MYH2: variants seen among roughly 807,000 people sequenced by gnomAD.
MYH2 encodes myosin heavy chain 2.
A neutral mutation model predicts 228.1 loss-of-function variants in MYH2; 139 were observed. That is an observed-to-expected ratio of 0.61 (90% confidence interval 0.53 to 0.70). MYH2 has a LOEUF of 0.70. MYH2 is among the 30% of genes least tolerant of loss of function. The pLI is 0.00. For synonymous variants in MYH2, 796 were observed against 871.1 expected (o/e 0.91, Z 1.52); for missense variants, 1,809 against 2,357.5 (o/e 0.77, Z 4.82).
intron 39 of MYH2, among the ~76,000 whole-genome samples, chr17:10,521,878 A>C (rs552046305): frequency 1.2e-4 from 18 of 152,256 alleles, no homozygotes; most frequent in African/African-American, 4.3e-4. Context: ...CAAAATGGTT[A>C]CTTTTTTCCT....
In MYH2 at chr17:10,524,249, C is replaced by T. The variant is rs12947406; in HGVS notation, c.5175+217G>A. Among the ~76,000 whole-genome samples, 8,701 of 152,066 alleles carry T rather than the reference C, an allele frequency of 0.057. 278 individuals carry two copies. Among genetic ancestry groups the T allele is most frequent in the South Asian group, 0.12 (572 of 4,816 alleles). On this transcript the variant is annotated intron_variant, in intron 35 of 39. Coordinates refer to ENST00000245503, the MANE Select transcript of MYH2 (RefSeq NM_017534.6). This position sits in a 1 kb window ranked among gnomAD's most constrained non-coding sequence, Gnocchi z 4.7. ...ATAAAGATATTAACACAATAGAATA[C>T]GGGGGCAGCCTTAGAATATTATATG...
In MYH2 at chr17:10,529,931, C is replaced by T; in HGVS notation, c.2841G>A (p.Arg947=). 1.9e-6 allele frequency: 3 copies of T among 1,612,806 alleles called. No individual in the cohort carries two copies. Among genetic ancestry groups the T allele is most frequent in the Non-Finnish European group, 2.5e-6 (3 of 1,178,988 alleles). ...GTTCTGAACATTCATCCTCCAGTTTCCTCTTCTTGGCTGTCAGCTCAGCAT... is the reference window on the plus strand; with the variant it reads ...GTTCTGAACATTCATCCTCCAGTTTTCTCTTCTTGGCTGTCAGCTCAGCAT... ...EINAELTAKK[R]KLEDECSELK... is the part of the protein sequence containing the mutation. The change falls in exon 23 of 40, where the codon AGG becomes AGA. Residue 947 remains arginine (R), a synonymous_variant. Transcript: ENST00000245503.
chr17:10,535,198 T>C lies in MYH2; in HGVS notation c.2063-8A>G, dbSNP rs772997557. On this transcript the variant is annotated splice_region_variant and splice_polypyrimidine_tract_variant and intron_variant, in intron 18 of 39. Transcript: ENST00000245503. The stretch of plus-strand genomic sequence containing the variant: ...GCTCATGCTCCATGGCACCTAAAAA[T>C]GCATATTTATTTCACTGCAGAGCTG... The C allele has an allele frequency of 1.2e-6, 2 of 1,614,086 alleles. No individual in the cohort carries two copies. Among genetic ancestry groups the C allele is most frequent in the Non-Finnish European group, 8.5e-7 (1 of 1,179,980 alleles).
rs3744566 is a variant in MYH2, at chr17:10,535,374, C to T, written c.1975-9G>A. ...AGCTTGTTCAAATTCTCCTGTAAAA[C>T]CAGGAAAAATCCTGTCATTTTAGGC... On this transcript the variant is annotated splice_polypyrimidine_tract_variant and intron_variant, in intron 17 of 39. Transcript: ENST00000245503. 0.06 allele frequency: 96,508 copies of T among 1,611,432 alleles called. 3,300 individuals carry two copies. Among genetic ancestry groups the T allele is most frequent in the South Asian group, 0.11 (10,228 of 91,002 alleles).
At chr17:10,523,707 A>G (rs1296674678) in intron 36 of MYH2, 41 bp from the exon 37 acceptor site, 6 of 1,614,214 alleles carry the variant, frequency 3.7e-6, no homozygotes, top group Middle Eastern at 1.6e-4. Flanking sequence ...AAAGTTATAG[A>G]TGTCAGGAAA....
chr17:10,535,077 G>A lies in MYH2; in HGVS notation c.2176C>T (p.Gln726Ter), dbSNP rs904850136. 25 of 1,614,024 alleles carry A rather than the reference G, an allele frequency of 1.5e-5. No individual in the cohort carries two copies. The highest frequency in any genetic ancestry group is 2.1e-5 in the Non-Finnish European group (25 of 1,179,908). ...CCATAATCAGGAGAAACTGACCTCT[G>A]TTTGAAGTCTGCATAAAGGATTCTG... ...PSRILYADFK[Q>*]RYKVLNASAI... Residue 726 changes from glutamine (Q) to a stop codon, truncating the protein, a stop_gained, in exon 19 of 40, where the codon CAG becomes TAG. Transcript: ENST00000245503. LOFTEE classifies it high-confidence loss of function.
intron 10 of MYH2, among the ~76,000 whole-genome samples, chr17:10,541,267 T>C (rs1216578909): frequency 2.0e-5 from 3 of 152,170 alleles, no homozygotes; most frequent in African/African-American, 7.2e-5. Context: ...AGAAGAAATA[T>C]CGCTGAATTC....
intron 11 of MYH2, 94 bp from the exon 12 acceptor site, chr17:10,540,160 C>G: frequency 6.5e-7 from 1 of 1,548,350 alleles, no homozygotes; most frequent in Non-Finnish European, 8.9e-7. Flanking sequence ...AGGAAACTAC[C>G]AGTGCTAATG....
intron 1 of MYH2, 64 bp downstream of exon 1, chr17:10,549,572 T>C (rs986623604): frequency 2.0e-5 from 3 of 152,250 alleles, no homozygotes; most frequent in Non-Finnish European, 4.4e-5. Context: ...AACTAGCAGC[T>C]GCTGCTGACA....
At chr17:10,548,290 T>C (rs568139005) in intron 2 of MYH2, among the ~76,000 whole-genome samples, 93 of 152,320 alleles carry the variant, frequency 6.1e-4, no homozygotes, top group Non-Finnish European at 1.1e-3. Flanking sequence ...ATCTTTAGAA[T>C]AGGGATTATA....
chr17:10,530,451 G>C (rs927155965), intron 22 of MYH2, among the ~76,000 whole-genome samples: 1 of 152,118 alleles, frequency 6.6e-6, no homozygotes, highest in Non-Finnish European at 1.5e-5. Context: ...TGCTTTTGCA[G>C]AAATCAACTT....
Position 10,521,184 on chromosome 17 carries a change from G to T in MYH2, c.*96C>A. 2 of 1,427,314 alleles carry T rather than the reference G, an allele frequency of 1.4e-6. No individual in the cohort carries two copies. Among genetic ancestry groups the T allele is most frequent in the Non-Finnish European group, 2.0e-6 (2 of 1,013,738 alleles). The allele number at this position is 1,427,314 out of a possible 1,614,324, so 88.4% of individuals were successfully genotyped here. A position where few individuals can be genotyped will look rare whatever the true frequency, so the allele number is the denominator to read the frequency against. On this transcript the variant is annotated 3_prime_UTR_variant, in exon 40 of 40. Transcript: ENST00000245503. ...AACTACCCTATGCTTTATTTCCTTT[G>T]CAACAGGGTAGAATACACAATAATT...
At chr17:10,539,128 G>A (rs930319505) in intron 14 of MYH2, 77 bp downstream of exon 14, 4 of 1,610,578 alleles carry the variant, frequency 2.5e-6, no homozygotes, top group Admixed American at 3.3e-5. Context: ...AAAGGTCATA[G>A]TCTTCACTAA....
chr17:10,529,101 A>G (rs1567729876), intron 26 of MYH2, 22 bp from the exon 27 acceptor site: 1 of 1,614,152 alleles, frequency 6.2e-7, no homozygotes, highest in Non-Finnish European at 8.5e-7. Context: ...GGAAAATACA[A>G]ACTCAGCTTC....
chr17:10,532,637 C>T (rs918123492), intron 21 of MYH2, among the ~76,000 whole-genome samples: 2 of 152,114 alleles, frequency 1.3e-5, no homozygotes, highest in Non-Finnish European at 2.9e-5. Flanking sequence ...TCTGCATACA[C>T]ATATGTATAT....
intron 12 of MYH2, 73 bp from the exon 13 acceptor site, chr17:10,539,635 A>G: frequency 7.0e-7 from 1 of 1,428,484 alleles, no homozygotes; most frequent in Non-Finnish European, 9.9e-7. Flanking sequence ...TATTTTTTAA[A>G]CTACAAGTAT....
At position 10,535,342 on chromosome 17, in the gene MYH2, G is replaced by T; in HGVS notation, c.1998C>A (p.Thr666=). 6.2e-7 allele frequency: 1 copy of T among 1,614,114 alleles called. No individual in the cohort carries two copies. The highest frequency in any genetic ancestry group is 1.1e-5 in the South Asian group (1 of 91,076). ...AGTGAGGATGGGTACTCCTGAGGTT[G>T]GTCATCAGCTTGTTCAAATTCTCCT... The part of the protein sequence containing the change: ...LFRENLNKLM[T]NLRSTHPHFV... Residue 666 remains threonine (T), a synonymous_variant, in exon 18 of 40, where the codon ACC becomes ACA. Transcript: ENST00000245503.
chr17:10,523,527 C>T lies in MYH2; in HGVS notation c.5441G>A (p.Gly1814Glu). 6.2e-7 allele frequency: 1 copy of T among 1,614,216 alleles called. No individual in the cohort carries two copies. Among genetic ancestry groups the T allele is most frequent in the Non-Finnish European group, 8.5e-7 (1 of 1,180,038 alleles). The change falls in exon 37 of 40, where the codon GGG becomes GAG. Residue 1814 changes from glycine to glutamate, a missense_variant. This residue lies in a region of MYH2 where 278 missense variants were observed against 308.5 expected (regional missense o/e 0.90). Coordinates refer to ENST00000245503, the MANE Select transcript of MYH2 (RefSeq NM_017534.6). ...CTCCAGTTTCTGGATCTGCTTCTTC[C>T]CACCCTTCAGGGCCAGCTGCTCAGC... ...DEAEQLALKG[G>E]KKQIQKLEAR...
chr17:10,533,846 A>G (rs907594368), intron 19 of MYH2, among the ~76,000 whole-genome samples: 25 of 152,288 alleles, frequency 1.6e-4, no homozygotes, highest in Admixed American at 7.8e-4. Context: ...TTTCTGTCTC[A>G]TCAGACCCTG....
Sources: gnomAD v4.1 joint callset for allele counts (sites outside exome capture counted in the v4.1 genomes callset) on GRCh38, gnomAD v4.1.1 for gene constraint, gnomAD v4.1.1 regional missense constraint, Gnocchi (gnomAD v3.1) non-coding constraint, MANE v1.5 for transcripts, NCBI Gene and HGNC (gene_info 2026-07-23, HGNC 2026-07-21) for gene names.